Variants in MBP observed in about 807,000 individuals in gnomAD.
The protein encoded by MBP is Golli-MBP.
MBP carries 16 observed loss-of-function variants against 35.8 expected under a neutral mutation model. The observed-to-expected ratio is 0.45, with a 90% confidence interval of 0.30 to 0.68. The LOEUF (loss-of-function observed/expected upper bound fraction) is 0.68, where lower values mean the gene tolerates loss of function less well. MBP is among the 30% of genes least tolerant of loss of function. The probability of loss-of-function intolerance (pLI) is 0.08; values close to 1 mark genes in which losing one functional copy is unlikely to be tolerated. For synonymous variants in MBP, 143 were observed against 159.6 expected (o/e 0.90, Z 0.78); for missense variants, 380 against 404.7 (o/e 0.94, Z 0.52).
At chr18:77,075,543 T>C (rs1568326621) in intron 2 of MBP, among the ~76,000 whole-genome samples, 1 of 152,294 alleles carries the variant, frequency 6.6e-6, no homozygotes, top group East Asian at 1.9e-4. Flanking sequence ...AGGATGGGGT[T>C]GAGGGTGCAG....
intron 7 of MBP, chr18:76,986,395 A>G (rs1969560101): frequency 1.0e-6 from 1 of 985,366 alleles, no homozygotes; most frequent in Non-Finnish European, 1.2e-6. Context: ...GAGGTGAGGA[A>G]GATGACACCA....
chr18:76,990,581 C>T (rs1175206612), intron 4 of MBP, among the ~76,000 whole-genome samples: 1 of 152,096 alleles, frequency 6.6e-6, no homozygotes, highest in Non-Finnish European at 1.5e-5. Flanking sequence ...TAAAACTGGA[C>T]TAGGCAGGCT....
At chr18:77,002,704 T>C (rs1191320353) in intron 4 of MBP, 1 of 152,238 alleles carries the variant, frequency 6.6e-6, no homozygotes, top group Non-Finnish European at 1.5e-5. Flanking sequence ...GTCTAGGGCT[T>C]GAACTTTAGA....
At chr18:77,106,688 A>G (rs769807970) in intron 1 of MBP, among the ~76,000 whole-genome samples, 1 of 152,176 alleles carries the variant, frequency 6.6e-6, no homozygotes, top group Non-Finnish European at 1.5e-5. Flanking sequence ...TCTAGTGATG[A>G]TATAAACACA....
chr18:77,038,162 G>A (rs981819507), intron 3 of MBP, among the ~76,000 whole-genome samples: 3 of 152,228 alleles, frequency 2.0e-5, no homozygotes, highest in Admixed American at 6.5e-5. Context: ...ATCCACATGC[G>A]AGCCGCATAG....
chr18:76,997,511 G>A (rs1239394303), intron 4 of MBP, among the ~76,000 whole-genome samples: 1 of 152,228 alleles, frequency 6.6e-6, no homozygotes, highest in Non-Finnish European at 1.5e-5. Flanking sequence ...CCTCTGGTGA[G>A]CTTTTATATT....
At chr18:77,008,438 T>C (rs1053986141) in intron 4 of MBP, among the ~76,000 whole-genome samples, 4 of 152,140 alleles carry the variant, frequency 2.6e-5, no homozygotes, top group African/African-American at 7.2e-5. Flanking sequence ...GAAAACCAAG[T>C]GCGGCTTCAC....
intron 4 of MBP, among the ~76,000 whole-genome samples, chr18:76,998,544 C>T (rs189897030): frequency 5.2e-4 from 79 of 152,262 alleles, no homozygotes; most frequent in African/African-American, 1.8e-3. Flanking sequence ...GGGTGACTCG[C>T]AGAAGAGATG....
chr18:77,031,244 C>T (rs470276), intron 3 of MBP, among the ~76,000 whole-genome samples: 42,471 of 152,092 alleles, frequency 0.28, 8,820 homozygotes, highest in African/African-American at 0.58. Context: ...GGTGGTGAGA[C>T]GTTTTGGAGT....
chr18:77,071,872 G>A (rs562068018), intron 2 of MBP, among the ~76,000 whole-genome samples: 31 of 152,256 alleles, frequency 2.0e-4, no homozygotes, highest in African/African-American at 7.2e-4. Flanking sequence ...AGTGTCAATG[G>A]CGTAGGAAGT....
chr18:77,076,673 G>A (rs1407596008), intron 2 of MBP, among the ~76,000 whole-genome samples: 1 of 152,196 alleles, frequency 6.6e-6, no homozygotes, highest in Non-Finnish European at 1.5e-5. Context: ...CTTCCACAGA[G>A]CAGTTATTAA....
intron 4 of MBP, among the ~76,000 whole-genome samples, chr18:76,995,768 C>A (rs1337278389): frequency 6.6e-6 from 1 of 152,132 alleles, no homozygotes; most frequent in African/African-American, 2.4e-5. Flanking sequence ...ACCTTCATGA[C>A]CTGTGAGTAG....
chr18:77,049,646 T>A (rs564954072), intron 3 of MBP, among the ~76,000 whole-genome samples: 1 of 152,196 alleles, frequency 6.6e-6, no homozygotes, highest in Admixed American at 6.5e-5. Flanking sequence ...TTACTCATCA[T>A]TGGATATGGA....
At chr18:77,063,920 G>A (rs1171523279) in intron 3 of MBP, among the ~76,000 whole-genome samples, 3 of 143,338 alleles carry the variant, frequency 2.1e-5, no homozygotes, top group Admixed American at 6.9e-5. Context: ...GTGTGTGTGT[G>A]TGTATGTGTG....
intron 3 of MBP, among the ~76,000 whole-genome samples, chr18:77,053,386 G>GT (rs1435045479): frequency 6.6e-6 from 1 of 152,250 alleles, no homozygotes; most frequent in Non-Finnish European, 1.5e-5. Flanking sequence ...AGACGCCAGT[G>GT]TCAGCCGGTA....
intron 3 of MBP, among the ~76,000 whole-genome samples, chr18:77,037,667 G>A (rs1053299108): frequency 2.0e-5 from 3 of 152,188 alleles, no homozygotes; most frequent in Admixed American, 1.3e-4. Flanking sequence ...ACCAGCCTTC[G>A]CCTTTTCTCT....
chr18:77,024,037 C>G (rs1280586629), intron 3 of MBP, among the ~76,000 whole-genome samples: 2 of 152,056 alleles, frequency 1.3e-5, no homozygotes, highest in Admixed American at 6.5e-5. Context: ...AGACACCAAA[C>G]CCCCCACTCT....
intron 2 of MBP, among the ~76,000 whole-genome samples, chr18:77,078,246 G>A (rs994916160): frequency 3.3e-5 from 5 of 152,206 alleles, no homozygotes; most frequent in African/African-American, 1.2e-4. Flanking sequence ...CAGCCACATG[G>A]CAAACGGCAT....
intron 3 of MBP, among the ~76,000 whole-genome samples, chr18:77,059,139 T>G (rs1222020496): frequency 6.6e-6 from 1 of 152,198 alleles, no homozygotes; most frequent in African/African-American, 2.4e-5. Context: ...AAAACCCTAC[T>G]GAAATCAAAG....
Sources: gnomAD v4.1 joint callset for allele counts (sites outside exome capture counted in the v4.1 genomes callset) on GRCh38, gnomAD v4.1.1 for gene constraint, MANE v1.5 for transcripts, NCBI Gene and HGNC (gene_info 2026-07-23, HGNC 2026-07-21) for gene names.